The following BCAS3 variants were observed in gnomAD, a reference collection of about 807,000 sequenced individuals.
BCAS3 encodes the protein BCAS3 microtubule associated cell migration factor.
BCAS3 carries 53 observed loss-of-function variants against 116.1 expected under a neutral mutation model. That is an observed-to-expected ratio of 0.46 (90% CI 0.37 to 0.57). The LOEUF is 0.57. Among genes scored for constraint, BCAS3 ranks in the 20% least tolerant of loss-of-function variants. The pLI, the probability that BCAS3 is intolerant of heterozygous loss-of-function variation, is 0.00. For missense variants in BCAS3, 917 were observed against 1,165.4 expected, an observed-to-expected ratio of 0.79 and a Z score of 3.10; for synonymous variants, 391 against 408.2, an observed-to-expected ratio of 0.96 and a Z score of 0.51.
intron 22 of BCAS3, among the ~76,000 whole-genome samples, chr17:61,240,140 A>G (rs1056830277): frequency 1.3e-5 from 2 of 152,156 alleles, no homozygotes; most frequent in Non-Finnish European, 2.9e-5. Context: ...AGGAGGAGCT[A>G]CCATTTATTG....
Position 61,188,175 on chromosome 17 carries a change from C to G in BCAS3, c.2425+103611C>G, listed in dbSNP as rs1352029328. On this transcript the variant is annotated intron_variant, in intron 22 of 23. Transcript: ENST00000407086. The surrounding 1 kb of genome is among the most constrained non-coding windows in gnomAD (Gnocchi z 4.0). The stretch of plus-strand genomic sequence containing the variant: ...GTCTTCACCCCTAAAACAATCTCTC[C>G]TTGCTATTCTCGCTATTGAACAGTC... Among the ~76,000 whole-genome samples, 1 of 152,178 alleles carries G rather than the reference C, an allele frequency of 6.6e-6. No homozygotes were observed. Among genetic ancestry groups the G allele is most frequent in the Non-Finnish European group, 1.5e-5 (1 of 68,028 alleles).
intron 5 of BCAS3, chr17:60,727,310 T>G: frequency 8.2e-7 from 1 of 1,226,706 alleles, no homozygotes; most frequent in Non-Finnish European, 1.2e-6. Context: ...GGTCTTAGCC[T>G]TCTTCAGGAA....
At chr17:61,078,160 G>A (rs747031295) in intron 20 of BCAS3, among the ~76,000 whole-genome samples, 173 bp from the exon 21 acceptor site, 11 of 152,182 alleles carry the variant, frequency 7.2e-5, no homozygotes, top group Non-Finnish European at 1.2e-4. Context: ...TATTTTGAAT[G>A]TCTACATCAG....
chr17:60,704,951 C>T (rs941189163), intron 4 of BCAS3, among the ~76,000 whole-genome samples: 1 of 152,064 alleles, frequency 6.6e-6, no homozygotes, highest in Non-Finnish European at 1.5e-5. Context: ...CACGGTGTCT[C>T]TATCTTGTTG....
intron 14 of BCAS3, among the ~76,000 whole-genome samples, chr17:60,959,695 A>G (rs1434127464): frequency 1.3e-5 from 2 of 152,190 alleles, no homozygotes; most frequent in Non-Finnish European, 2.9e-5. Flanking sequence ...GATTTACTCA[A>G]TGGTTTTTTT....
intron 7 of BCAS3, among the ~76,000 whole-genome samples, chr17:60,858,200 A>G (rs2053843612): frequency 6.6e-6 from 1 of 152,200 alleles, no homozygotes. Context: ...TCAGGCTTAT[A>G]CAAGATTCTC....
At chr17:61,142,594 T>TG (rs895009754) in intron 22 of BCAS3, among the ~76,000 whole-genome samples, 1 of 151,802 alleles carries the variant, frequency 6.6e-6, no homozygotes, top group African/African-American at 2.4e-5. Flanking sequence ...TCAGAAAAAA[T>TG]GGATTTGGGG....
chr17:60,715,303 G>A (rs531174736), intron 5 of BCAS3, among the ~76,000 whole-genome samples: 5 of 150,686 alleles, frequency 3.3e-5, no homozygotes, highest in African/African-American at 1.2e-4. Flanking sequence ...TCGGCTAATT[G>A]TTTTGTAATT....
intron 22 of BCAS3, among the ~76,000 whole-genome samples, chr17:61,125,294 GAGAAGTGTAACATTC>G (rs2075993699): frequency 6.6e-6 from 1 of 152,140 alleles, no homozygotes; most frequent in African/African-American, 2.4e-5. Flanking sequence ...TTGTGAATTA[GAGAAGTGTAACATTC>G]ATCAGCCTCT....
chr17:60,687,776 T>A (rs1445104567), intron 3 of BCAS3, among the ~76,000 whole-genome samples: 1 of 152,252 alleles, frequency 6.6e-6, no homozygotes, highest in Admixed American at 6.5e-5. Flanking sequence ...TGCAAAGCTG[T>A]AGTAAGGAAC....
chr17:60,936,928 T>C (rs1328376708), intron 13 of BCAS3, among the ~76,000 whole-genome samples: 2 of 151,826 alleles, frequency 1.3e-5, no homozygotes, highest in Non-Finnish European at 2.9e-5. Flanking sequence ...ACATGAAGTC[T>C]TTGCCCATGC....
chr17:60,872,031 T>G (rs1256507226), intron 8 of BCAS3, among the ~76,000 whole-genome samples: 1 of 152,076 alleles, frequency 6.6e-6, no homozygotes, highest in Non-Finnish European at 1.5e-5. Flanking sequence ...ATAGTGATAT[T>G]CTTGTTCTTA....
intron 14 of BCAS3, among the ~76,000 whole-genome samples, chr17:60,949,649 C>A (rs963140148): frequency 1.3e-5 from 2 of 152,116 alleles, no homozygotes; most frequent in African/African-American, 2.4e-5. Context: ...TACAGGCATA[C>A]AATGCGTAAT....
rs2066891947 is a variant in BCAS3 at position 61,034,802 on chromosome 17, T to A, written c.1762+12T>A. The A allele has an allele frequency of 6.3e-7, 1 of 1,584,398 alleles. No individual in the cohort carries two copies. The highest frequency in any genetic ancestry group is 1.9e-5 in the Admixed American group (1 of 51,746). The stretch of plus-strand genomic sequence containing the variant: ...GAAAAGAGAAAAAGGTATGTATTTT[T>A]ACTGAAAAATGAATGCTCTATTTGT... On this transcript the variant is annotated intron_variant, in intron 17 of 23. Coordinates refer to ENST00000407086, the MANE Select transcript of BCAS3 (RefSeq NM_017679.5). This position sits in a 1 kb window ranked among gnomAD's most constrained non-coding sequence, Gnocchi z 5.0.
Position 61,285,744 on chromosome 17 carries a change from A to G in BCAS3, c.2426-82583A>G, listed in dbSNP as rs1342076963. On this transcript the variant is annotated intron_variant, in intron 22 of 23. Transcript: ENST00000407086. This position sits in a 1 kb window ranked among gnomAD's most constrained non-coding sequence, Gnocchi z 5.4. ...GATAAGGCTTGTTTATCCAGGAGAC[A>G]AGAGACTAGGAGCTAGGAGCTGCGG... is the stretch of plus-strand genomic sequence containing the variant. 6.6e-6 allele frequency among the ~76,000 whole-genome samples: 1 copy of G among 152,212 alleles called. No homozygotes were observed. The highest frequency in any genetic ancestry group is 1.5e-5 in the Non-Finnish European group (1 of 68,040).
At chr17:61,262,483 C>T (rs2049294347) in intron 22 of BCAS3, among the ~76,000 whole-genome samples, 1 of 151,886 alleles carries the variant, frequency 6.6e-6, no homozygotes, top group Non-Finnish European at 1.5e-5. Flanking sequence ...TGGATTCAAG[C>T]GATTCTCCTG....
rs2078163446 is a variant in BCAS3, at chr17:61,161,449, G to GA, written c.2425+76886dup. ...CAGTTGTCCCAATTTCATTACCACA[G>GA]AGCATAGCGTTTTCAAATTTATTCT... On this transcript the variant is annotated intron_variant, in intron 22 of 23. Coordinates refer to ENST00000407086, the MANE Select transcript of BCAS3 (RefSeq NM_017679.5). The surrounding 1 kb of genome is among the most constrained non-coding windows in gnomAD (Gnocchi z 4.8). Among the ~76,000 whole-genome samples, 1 of 152,208 alleles carries GA rather than the reference G, an allele frequency of 6.6e-6. No individual in the cohort carries two copies. The highest frequency in any genetic ancestry group is 2.1e-4 in the South Asian group (1 of 4,832).
intron 6 of BCAS3, among the ~76,000 whole-genome samples, chr17:60,799,296 G>C (rs561657033): frequency 7.9e-5 from 12 of 152,086 alleles, no homozygotes; most frequent in African/African-American, 2.4e-4. Context: ...ATACTACAGA[G>C]CAGTCCAGTG....
intron 5 of BCAS3, among the ~76,000 whole-genome samples, chr17:60,741,374 C>T (rs1332845703): frequency 6.6e-6 from 1 of 152,092 alleles, no homozygotes; most frequent in East Asian, 1.9e-4. Flanking sequence ...AATCATTGCA[C>T]CTTAGTTTGA....
Sources: gnomAD v4.1 joint callset for allele counts (sites outside exome capture counted in the v4.1 genomes callset) on GRCh38, gnomAD v4.1.1 for gene constraint, Gnocchi (gnomAD v3.1) non-coding constraint, MANE v1.5 for transcripts, NCBI Gene and HGNC (gene_info 2026-07-23, HGNC 2026-07-21) for gene names.